Variants in FAP observed in about 807,000 individuals in gnomAD.
The protein encoded by FAP is fibroblast activation protein alpha, also known as prolyl endopeptidase FAP.
In FAP, 110 loss-of-function variants were observed where a neutral mutation model predicts 126.5. The observed-to-expected ratio is 0.87, with a 90% CI of 0.74 to 1.02. The LOEUF is 1.02. Among genes scored for constraint, FAP ranks in the 50% least tolerant of loss-of-function variants. The probability of loss-of-function intolerance (pLI) is 0.00; values close to 1 mark genes in which losing one functional copy is unlikely to be tolerated. For missense variants in FAP, 919 were observed against 909.2 expected (o/e 1.01, Z -0.14); for synonymous variants, 334 against 297.3 (o/e 1.12, Z -1.27).
chr2:162,188,109 A>G lies in FAP; in HGVS notation c.1814+60T>C. On this transcript the variant is annotated intron_variant, in intron 20 of 25. Coordinates refer to ENST00000188790, the MANE Select transcript of FAP (RefSeq NM_004460.5). ...TAAGTCATGAAGAATGGAGAAACACAATAGTGATTGCATGACTTTTGTTGC... is the reference window on the plus strand; with the variant it reads ...TAAGTCATGAAGAATGGAGAAACACGATAGTGATTGCATGACTTTTGTTGC... 8.9e-6 allele frequency: 12 copies of G among 1,355,676 alleles called. 1 individual carries two copies. Among genetic ancestry groups the G allele is most frequent in the Non-Finnish European group, 1.3e-5 (12 of 953,622 alleles). The allele number at this position is 1,355,676 out of a possible 1,614,324, so 84.0% of individuals were successfully genotyped here. A position where few individuals can be genotyped will look rare whatever the true frequency, so the allele number is the denominator to read the frequency against.
At chr2:162,178,717 T>A (rs987129756) in intron 21 of FAP, among the ~76,000 whole-genome samples, 8 of 152,260 alleles carry the variant, frequency 5.3e-5, no homozygotes, top group African/African-American at 1.7e-4. Context: ...GAGAGTAATG[T>A]GGGATTTGGA....
At chr2:162,212,641 C>T (rs1204392960) in intron 11 of FAP, among the ~76,000 whole-genome samples, 2 of 152,238 alleles carry the variant, frequency 1.3e-5, no homozygotes, top group African/African-American at 2.4e-5. Flanking sequence ...ACATAATGTC[C>T]TAATTTCTAG....
rs542347269 is a variant in FAP, at chr2:162,241,363, T to C, written c.91+1545A>G. Among the ~76,000 whole-genome samples, 7 of 152,298 alleles carry C rather than the reference T, an allele frequency of 4.6e-5. No individual in the cohort carries two copies. In the South Asian group the frequency reaches 1.4e-3, roughly 32 times the overall value. ...CTAAACTTGGAAAGAGGGTAGGGAT[T>C]GAGATTATATGTGATCACACAAATA... On this transcript the variant is annotated intron_variant, in intron 2 of 25. Coordinates refer to ENST00000188790, the MANE Select transcript of FAP (RefSeq NM_004460.5).
chr2:162,206,252 A>C (rs1005879766), intron 12 of FAP, among the ~76,000 whole-genome samples: 1 of 152,216 alleles, frequency 6.6e-6, no homozygotes, highest in Admixed American at 6.5e-5. Context: ...TGCAAGTCAC[A>C]CCTGGACCCT....
chr2:162,202,815 T>C lies in FAP; in HGVS notation c.1223+57A>G, dbSNP rs377073053. Reference sequence around the variant, plus strand: ...AAGAGAGTTGGTACAGTATCATTTATGTCCATCGGTGCCAATTAAAACCTG... The same window carrying C: ...AAGAGAGTTGGTACAGTATCATTTACGTCCATCGGTGCCAATTAAAACCTG... On this transcript the variant is annotated intron_variant, in intron 14 of 25. Coordinates refer to ENST00000188790, the MANE Select transcript of FAP (RefSeq NM_004460.5). The C allele has an allele frequency of 3.4e-4, 417 of 1,242,428 alleles. 7 individuals are homozygous for C. The South Asian group carries it at 4.9e-3, about 15-fold the overall frequency. The allele number at this position is 1,242,428 out of a possible 1,614,324, so 77.0% of individuals were successfully genotyped here.
intron 2 of FAP, among the ~76,000 whole-genome samples, chr2:162,242,443 G>T (rs1690391971): frequency 6.6e-6 from 1 of 152,058 alleles, no homozygotes; most frequent in Non-Finnish European, 1.5e-5. Flanking sequence ...AGCTATTCCT[G>T]AGATCTGTAT....
chr2:162,238,715 T>G (rs1377906852), intron 2 of FAP, among the ~76,000 whole-genome samples: 1 of 152,190 alleles, frequency 6.6e-6, no homozygotes, highest in Non-Finnish European at 1.5e-5. Flanking sequence ...TGGGAAAATA[T>G]TTTAACTTTA....
At chr2:162,224,632 T>C (rs994896674) in intron 4 of FAP, 92 bp from the exon 5 acceptor site, 3 of 673,686 alleles carry the variant, frequency 4.5e-6, no homozygotes, top group African/African-American at 1.9e-5. Context: ...ATTATCAACA[T>C]ACTCCTACAT....
At chr2:162,234,944 A>G (rs1026149143) in intron 2 of FAP, among the ~76,000 whole-genome samples, 1 of 152,022 alleles carries the variant, frequency 6.6e-6, no homozygotes, top group Non-Finnish European at 1.5e-5. Context: ...GGTGGGCCCC[A>G]CACTCCCAGC....
At chr2:162,186,276 C>T (rs1181993413) in intron 20 of FAP, among the ~76,000 whole-genome samples, 1 of 152,114 alleles carries the variant, frequency 6.6e-6, no homozygotes, top group East Asian at 1.9e-4. Context: ...AGCAGGAAGA[C>T]TTTCTTCAGA....
intron 24 of FAP, 104 bp downstream of exon 24, chr2:162,173,045 A>T: frequency 8.5e-7 from 1 of 1,179,836 alleles, no homozygotes; most frequent in Non-Finnish European, 1.3e-6. Flanking sequence ...CCTGACTCTT[A>T]GGTACTGACC....
chr2:162,173,975 T>C (rs1687400413), intron 22 of FAP, among the ~76,000 whole-genome samples, 188 bp from the exon 23 acceptor site: 1 of 152,134 alleles, frequency 6.6e-6, no homozygotes, highest in Non-Finnish European at 1.5e-5. Flanking sequence ...TTAGCCTCAA[T>C]AGAGCTAGAG....
rs748970308 is a variant in FAP, at chr2:162,219,931, A to C, written c.414-6T>G. 14 of 1,602,204 alleles carry C rather than the reference A, an allele frequency of 8.7e-6. No homozygotes were observed. The South Asian group carries it at 1.4e-4, about 16-fold the overall frequency. ...CATTTCCTCTTACAAATTCTCTAGA[A>C]GGAAAGAAAGAAAGAAAAACAACAA... On this transcript the variant is annotated splice_region_variant and splice_polypyrimidine_tract_variant and intron_variant, in intron 6 of 25. Coordinates refer to ENST00000188790, the MANE Select transcript of FAP (RefSeq NM_004460.5).
chr2:162,213,350 T>C (rs1689026218), intron 11 of FAP, among the ~76,000 whole-genome samples: 1 of 146,422 alleles, frequency 6.8e-6, no homozygotes, highest in South Asian at 2.1e-4. Flanking sequence ...CACTCCAGCC[T>C]GGCGACAGAG....
At chr2:162,195,859 C>G (rs986091136) in intron 16 of FAP, among the ~76,000 whole-genome samples, 1 of 151,956 alleles carries the variant, frequency 6.6e-6, no homozygotes, top group Non-Finnish European at 1.5e-5. Flanking sequence ...ATTTGCCACC[C>G]CACCCCCCCC....
In FAP at chr2:162,174,900, C is replaced by T; in HGVS notation, c.1936G>A (p.Ala646Thr). Residue 646 changes from alanine (A) to threonine (T), a missense_variant, in exon 22 of 26, where the codon GCA (alanine) becomes ACA (threonine). Transcript: ENST00000188790. ...TCCCAGCTGGAGACTGGAGCCACTG[C>T]TATACCACATTTGAAAAGACCAGTT... The part of the protein sequence containing the change: ...SGTGLFKCGI[A>T]VAPVSSWEYY... 1 of 1,612,786 alleles carries T rather than the reference C, an allele frequency of 6.2e-7. No homozygotes were observed. The highest frequency in any genetic ancestry group is 8.5e-7 in the Non-Finnish European group (1 of 1,179,108).
At chr2:162,190,777 CT>C in intron 17 of FAP, among the ~76,000 whole-genome samples, 1 of 152,126 alleles carries the variant, frequency 6.6e-6, no homozygotes, top group East Asian at 1.9e-4. Context: ...AAAGAGTGGT[CT>C]CTGAAGAGAG....
chr2:162,198,614 A>G (rs1576157925), intron 16 of FAP, 143 bp downstream of exon 16: 3 of 1,096,306 alleles, frequency 2.7e-6, no homozygotes, highest in East Asian at 2.4e-5. Flanking sequence ...TCCTCCTTTA[A>G]TTTTTTTTCT....
At chr2:162,198,095 T>G (rs1688328839) in intron 16 of FAP, 1 of 997,470 alleles carries the variant, frequency 1.0e-6, no homozygotes, top group Admixed American at 3.5e-5. Context: ...AATTATTCAT[T>G]AAATGTACGT....
Sources: allele counts gnomAD v4.1 joint callset (sites outside exome capture counted in the v4.1 genomes callset), GRCh38; gene constraint gnomAD v4.1.1; transcripts MANE v1.5; gene names NCBI Gene and HGNC (gene_info 2026-07-23, HGNC 2026-07-21).